TTC28: variants seen among roughly 807,000 people sequenced by gnomAD.
TTC28 encodes tetratricopeptide repeat domain 28.
Under a neutral mutation model 198.0 loss-of-function variants are expected in TTC28, and 61 were observed. The observed-to-expected ratio is 0.31, with a 90% CI of 0.25 to 0.38. TTC28 has a LOEUF of 0.38. Among genes scored for constraint, TTC28 ranks in the 10% least tolerant of loss-of-function variants. The pLI is 1.00. For missense variants in TTC28, 2,678 were observed against 3,164.0 expected, an observed-to-expected ratio of 0.85 and a Z score of 3.69; for synonymous variants, 1,171 against 1,297.8, an observed-to-expected ratio of 0.90 and a Z score of 2.10.
At position 28,550,601 on chromosome 22, in the gene TTC28, G is replaced by A. The variant is rs149353584; in HGVS notation, c.381+78951C>T. 1.7e-3 allele frequency among the ~76,000 whole-genome samples: 259 copies of A among 152,048 alleles called. 2 individuals are homozygous for A. The highest frequency in any genetic ancestry group is 5.8e-3 in the South Asian group (28 of 4,820). ...GCTAATATAAAAAATTATCTCCAAT[G>A]TTACTTTGCTCTACAAAAAACTATA... On this transcript the variant is annotated intron_variant, in intron 2 of 22. Coordinates refer to ENST00000397906, the MANE Select transcript of TTC28 (RefSeq NM_001145418.2).
chr22:28,010,693 A>G (rs1325012694), intron 14 of TTC28, among the ~76,000 whole-genome samples: 2 of 152,180 alleles, frequency 1.3e-5, no homozygotes, highest in African/African-American at 4.8e-5. Context: ...GCTGGCTGGC[A>G]GAGGCAGGGG....
chr22:28,328,205 G>A (rs2045560979), intron 2 of TTC28, among the ~76,000 whole-genome samples: 1 of 152,132 alleles, frequency 6.6e-6, no homozygotes, highest in South Asian at 2.1e-4. Context: ...GCCAAGGCGG[G>A]AGAATGGCTT....
intron 5 of TTC28, among the ~76,000 whole-genome samples, chr22:28,265,835 C>T (rs1931646224): frequency 6.6e-6 from 1 of 151,970 alleles, no homozygotes; most frequent in Non-Finnish European, 1.5e-5. Flanking sequence ...TCAACAACAC[C>T]CAGATAGAGG....
At chr22:28,400,885 AGAG>A (rs929438782) in intron 2 of TTC28, among the ~76,000 whole-genome samples, 8 of 152,234 alleles carry the variant, frequency 5.3e-5, no homozygotes, top group Non-Finnish European at 1.0e-4. Context: ...AAATCCAACA[AGAG>A]TCCAATCTAA....
At chr22:28,175,577 CA>C (rs1243263879) in intron 5 of TTC28, among the ~76,000 whole-genome samples, 4 of 151,730 alleles carry the variant, frequency 2.6e-5, no homozygotes, top group African/African-American at 9.7e-5. Context: ...ACTAAAAATA[CA>C]AAAAATTATC....
chr22:28,467,959 C>T (rs995065329), intron 2 of TTC28, among the ~76,000 whole-genome samples: 4 of 151,460 alleles, frequency 2.6e-5, no homozygotes, highest in African/African-American at 9.7e-5. Flanking sequence ...TTCGTAAAGA[C>T]GGGTTCTCAC....
chr22:28,000,451 C>T (rs1470464974), intron 15 of TTC28: 2 of 152,314 alleles, frequency 1.3e-5, no homozygotes, highest in African/African-American at 4.8e-5. Context: ...AGACCTGTCC[C>T]GCCTGCTGTG....
intron 5 of TTC28, among the ~76,000 whole-genome samples, chr22:28,293,654 T>A (rs2044832585): frequency 6.6e-6 from 1 of 152,100 alleles, no homozygotes. Flanking sequence ...TTAAAAAGAA[T>A]TACTGAATGC....
At chr22:28,214,442 TCAAA>T (rs1277297686) in intron 5 of TTC28, among the ~76,000 whole-genome samples, 1 of 151,678 alleles carries the variant, frequency 6.6e-6, no homozygotes, top group Non-Finnish European at 1.5e-5. Flanking sequence ...CAAGAAAAAA[TCAAA>T]CAACCTCATC....
At chr22:28,106,925 T>C in intron 7 of TTC28, 137 bp downstream of exon 7, 1 of 1,151,152 alleles carries the variant, frequency 8.7e-7, no homozygotes, top group Non-Finnish European at 1.2e-6. Flanking sequence ...TTCAAACAGT[T>C]GTTGGAGGAA....
chr22:28,102,745 T>G (rs187671575), intron 8 of TTC28, among the ~76,000 whole-genome samples: 37 of 152,348 alleles, frequency 2.4e-4, no homozygotes, highest in Admixed American at 1.3e-4. Flanking sequence ...AAAGTGACAC[T>G]CAGGTTCAAT....
chr22:28,403,777 T>C (rs2046955964), intron 2 of TTC28, among the ~76,000 whole-genome samples: 1 of 152,256 alleles, frequency 6.6e-6, no homozygotes, highest in Non-Finnish European at 1.5e-5. Context: ...AGACAGGTTT[T>C]ACTCGGTTTC....
At chr22:28,199,548 T>TATATATATATATATATATATACAC (rs60177369) in intron 5 of TTC28, among the ~76,000 whole-genome samples, 27 of 147,464 alleles carry the variant, frequency 1.8e-4, no homozygotes, top group African/African-American at 6.3e-4. Context: ...TATATATATA[T>TATATATATATATATATATATACAC]ACACACAAAC....
chr22:28,562,716 CA>C, intron 2 of TTC28, among the ~76,000 whole-genome samples: 1 of 152,154 alleles, frequency 6.6e-6, no homozygotes, highest in East Asian at 1.9e-4. Flanking sequence ...AATAGCTAAA[CA>C]ACCAGCTCAC....
chr22:28,386,243 C>T (rs986048886), intron 2 of TTC28, among the ~76,000 whole-genome samples: 3 of 123,952 alleles, frequency 2.4e-5, no homozygotes, highest in Non-Finnish European at 3.2e-5. Context: ...CCACTGCACT[C>T]CACCCTGGGC....
intron 2 of TTC28, among the ~76,000 whole-genome samples, chr22:28,354,706 TAAAA>T (rs2046048337): frequency 6.6e-6 from 1 of 152,006 alleles, no homozygotes; most frequent in Non-Finnish European, 1.5e-5. Flanking sequence ...AATAAATAAA[TAAAA>T]GAACAAACAA....
chr22:28,408,948 C>T (rs1031919800), intron 2 of TTC28, among the ~76,000 whole-genome samples: 1 of 152,208 alleles, frequency 6.6e-6, no homozygotes, highest in Non-Finnish European at 1.5e-5. Flanking sequence ...GATCATGTTT[C>T]ATTATTCACT....
Position 28,108,030 on chromosome 22 carries a change from G to A in TTC28, c.1815C>T (p.Cys605=), listed in dbSNP as rs750638061. Residue 605 remains cysteine, a synonymous_variant, in exon 7 of 23, where the codon TGC becomes TGT. Transcript: ENST00000397906. Reference sequence around the variant, plus strand: ...CAGCCTGGACATACTCTCCCCGAGAGCAGTGGAAATTGCCCAGGTTGCTGA... The same window carrying A: ...CAGCCTGGACATACTCTCCCCGAGAACAGTGGAAATTGCCCAGGTTGCTGA... ...RALSNLGNFH[C]SRGEYVQAAP... 2.6e-6 allele frequency: 4 copies of A among 1,551,530 alleles called. No individual in the cohort carries two copies. The African/African-American group carries it at 4.1e-5, about 16-fold the overall frequency.
intron 6 of TTC28, among the ~76,000 whole-genome samples, chr22:28,160,625 T>C (rs1921057515): frequency 6.6e-6 from 1 of 152,202 alleles, no homozygotes; most frequent in South Asian, 2.1e-4. Context: ...CACATGTATA[T>C]ATATACATAT....
Sources: allele counts gnomAD v4.1 joint callset (sites outside exome capture counted in the v4.1 genomes callset), GRCh38; gene constraint gnomAD v4.1.1; transcripts MANE v1.5; gene names NCBI Gene and HGNC (gene_info 2026-07-23, HGNC 2026-07-21).